The following MAGI2 variants were observed in gnomAD, a reference collection of about 807,000 sequenced individuals.
The protein encoded by MAGI2 is membrane-associated guanylate kinase, WW and PDZ domain-containing protein 2.
MAGI2 carries 35 observed loss-of-function variants against 133.3 expected under a neutral mutation model. The observed-to-expected ratio is 0.26, with a 90% CI of 0.20 to 0.35. MAGI2 has a LOEUF of 0.35. MAGI2 is among the 10% of genes least tolerant of loss of function. The pLI is 1.00. For missense variants in MAGI2, 1,636 were observed against 1,863.4 expected, an observed-to-expected ratio of 0.88 and a Z score of 2.25; for synonymous variants, 729 against 710.6, an observed-to-expected ratio of 1.03 and a Z score of -0.41.
At chr7:78,942,195 T>C (rs1050651614) in intron 2 of MAGI2, among the ~76,000 whole-genome samples, 2 of 152,188 alleles carry the variant, frequency 1.3e-5, no homozygotes, top group African/African-American at 4.8e-5. Context: ...GGTGGCAAGA[T>C]GATATACCAA....
rs141158267 is a variant in MAGI2, at chr7:78,871,997, T to C, written c.418+135093A>G. 6.1e-3 allele frequency among the ~76,000 whole-genome samples: 928 copies of C among 152,032 alleles called. 11 individuals are homozygous for C. Among genetic ancestry groups the C allele is most frequent in the African/African-American group, 0.021 (862 of 41,548 alleles). On this transcript the variant is annotated intron_variant, in intron 2 of 21. Transcript: ENST00000354212. ...CATCAACCACAAACACATATGCACATACATACAAGAATCTCTTTGTTCTTC... is the reference window on the plus strand; with the variant it reads ...CATCAACCACAAACACATATGCACACACATACAAGAATCTCTTTGTTCTTC...
chr7:79,386,874 A>T (rs1844217941), intron 1 of MAGI2, among the ~76,000 whole-genome samples: 1 of 152,022 alleles, frequency 6.6e-6, no homozygotes, highest in Admixed American at 6.6e-5. Flanking sequence ...CACTTCAGCC[A>T]TGTTGAGGAC....
At chr7:78,433,387 T>G (rs1235039482) in intron 6 of MAGI2, among the ~76,000 whole-genome samples, 1 of 152,096 alleles carries the variant, frequency 6.6e-6, no homozygotes, top group Non-Finnish European at 1.5e-5. Flanking sequence ...GATTTGGTGA[T>G]TCAGTCATTG....
intron 2 of MAGI2, among the ~76,000 whole-genome samples, chr7:78,668,285 G>T (rs1353061561): frequency 6.6e-6 from 1 of 151,504 alleles, no homozygotes; most frequent in Non-Finnish European, 1.5e-5. Flanking sequence ...TGTAGATTCT[G>T]GATATTAGCC....
At chr7:78,207,138 G>C (rs1416331547) in intron 10 of MAGI2, among the ~76,000 whole-genome samples, 1 of 152,042 alleles carries the variant, frequency 6.6e-6, no homozygotes, top group Non-Finnish European at 1.5e-5. Context: ...GTAATAAATG[G>C]AGAGAGTTTT....
intron 10 of MAGI2, among the ~76,000 whole-genome samples, chr7:78,247,554 G>T (rs1584550212): frequency 6.6e-6 from 1 of 152,164 alleles, no homozygotes; most frequent in East Asian, 1.9e-4. Flanking sequence ...AAAAATCAGA[G>T]AAACAGTTCA....
Position 78,057,977 on chromosome 7 carries a change from G to GTATATATATATATA in MAGI2, c.3706+20956_3706+20969dup, listed in dbSNP as rs58788674. Among the ~76,000 whole-genome samples the GTATATATATATATA allele has an allele frequency of 1.3e-3, 139 of 106,584 alleles. 8 individuals carry two copies. The highest frequency in any genetic ancestry group is 2.8e-3 in the African/African-American group (83 of 29,752). The allele number at this position is 106,584 out of a possible 152,430, so 69.9% of individuals were successfully genotyped here. Reference sequence around the variant, plus strand: ...CCCCTCTGGCATTTTATATATATGTGTATATATATATATATATATATATAT... The same window carrying GTATATATATATATA: ...CCCCTCTGGCATTTTATATATATGTGTATATATATATATATATATATATATATATATATATATAT... On this transcript the variant is annotated intron_variant, in intron 21 of 21. Transcript: ENST00000354212.
intron 6 of MAGI2, among the ~76,000 whole-genome samples, chr7:78,447,596 G>A (rs914962826): frequency 2.6e-4 from 40 of 152,108 alleles, no homozygotes; most frequent in Non-Finnish European, 4.4e-5. Context: ...GACATTTCAA[G>A]TGAAGTGACA....
chr7:78,852,879 A>G (rs940703256), intron 2 of MAGI2, among the ~76,000 whole-genome samples: 1 of 152,158 alleles, frequency 6.6e-6, no homozygotes, highest in African/African-American at 2.4e-5. Flanking sequence ...AAGAAAATGG[A>G]GAGGTCCAGA....
chr7:78,425,657 G>C (rs1799211225), intron 6 of MAGI2, among the ~76,000 whole-genome samples: 1 of 152,292 alleles, frequency 6.6e-6, no homozygotes, highest in South Asian at 2.1e-4. Context: ...AGTCTGTATA[G>C]TGCTAGAAGA....
At chr7:79,300,644 C>G (rs1042363055) in intron 1 of MAGI2, among the ~76,000 whole-genome samples, 1 of 152,088 alleles carries the variant, frequency 6.6e-6, no homozygotes. Context: ...AAAGTAAAAG[C>G]CTTTTCAGGA....
chr7:78,075,943 C>T (rs1815242098), intron 21 of MAGI2, among the ~76,000 whole-genome samples: 1 of 152,178 alleles, frequency 6.6e-6, no homozygotes, highest in Non-Finnish European at 1.5e-5. Context: ...TATTGTTTTA[C>T]TTCCTTAAAG....
chr7:78,256,215 G>C lies in MAGI2; in HGVS notation c.1775C>G (p.Ser592Cys). 2 of 1,614,052 alleles carry C rather than the reference G, an allele frequency of 1.2e-6. No homozygotes were observed. Among genetic ancestry groups the C allele is most frequent in the Non-Finnish European group, 1.7e-6 (2 of 1,180,002 alleles). Residue 592 changes from serine (S) to cysteine (C), a missense_variant, in exon 10 of 22, where the codon TCT becomes TGT. Around this residue, in one of 5 missense-constraint regions of MAGI2, gnomAD observed 920 missense variants for 1,093.5 expected, o/e 0.84. Coordinates refer to ENST00000354212, the MANE Select transcript of MAGI2 (RefSeq NM_012301.4). ...YPPPVHDDNV[S>C]MASSGATQAE... ...TTGGGTGGCCCCAGATGAAGCCATA[G>C]ACACATTGTCATCATGGACGGGCGG...
At chr7:79,199,836 T>C (rs528958229) in intron 1 of MAGI2, among the ~76,000 whole-genome samples, 1 of 152,048 alleles carries the variant, frequency 6.6e-6, no homozygotes, top group African/African-American at 2.4e-5. Flanking sequence ...TTTGGACTCA[T>C]TTCTGCATTT....
At chr7:79,278,956 G>A (rs1314374605) in intron 1 of MAGI2, among the ~76,000 whole-genome samples, 2 of 152,146 alleles carry the variant, frequency 1.3e-5, no homozygotes, top group African/African-American at 4.8e-5. Context: ...AGTCTACAAT[G>A]AGCAAATAAT....
chr7:79,169,635 T>C (rs1825319734), intron 1 of MAGI2, among the ~76,000 whole-genome samples: 1 of 149,896 alleles, frequency 6.7e-6, no homozygotes, highest in South Asian at 2.1e-4. Context: ...AGATACTTTA[T>C]GTTTCCTTAT....
intron 3 of MAGI2, among the ~76,000 whole-genome samples, chr7:78,527,299 T>G (rs893344507): frequency 6.6e-6 from 1 of 152,138 alleles, no homozygotes; most frequent in Non-Finnish European, 1.5e-5. Flanking sequence ...TAAATAACTT[T>G]TCATGTACTG....
chr7:78,186,236 T>C (rs1395305847), intron 12 of MAGI2, among the ~76,000 whole-genome samples: 2 of 152,198 alleles, frequency 1.3e-5, no homozygotes, highest in East Asian at 3.8e-4. Flanking sequence ...TGATATAATC[T>C]ATGCTACTTC....
intron 1 of MAGI2, among the ~76,000 whole-genome samples, chr7:79,029,471 G>A (rs375482006): frequency 6.6e-6 from 1 of 151,976 alleles, no homozygotes; most frequent in African/African-American, 2.4e-5. Flanking sequence ...CAGTTTCATA[G>A]CTATCATTAT....
Sources: gnomAD v4.1 joint callset for allele counts (sites outside exome capture counted in the v4.1 genomes callset) on GRCh38, gnomAD v4.1.1 for gene constraint, gnomAD v4.1.1 regional missense constraint, MANE v1.5 for transcripts, NCBI Gene and HGNC (gene_info 2026-07-23, HGNC 2026-07-21) for gene names.